UBAP1L: variants seen among roughly 807,000 people sequenced by gnomAD.
UBAP1L encodes ubiquitin associated protein 1 like, also known as ubiquitin-associated protein 1-like.
In UBAP1L, 32 loss-of-function variants were observed where a neutral mutation model predicts 32.1. The observed-to-expected ratio is 1.00, with a 90% CI of 0.75 to 1.34. The LOEUF is 1.34. UBAP1L is among the 40% of genes most tolerant of loss of function. The pLI is 0.00. For missense variants in UBAP1L, 516 were observed against 540.5 expected, an observed-to-expected ratio of 0.95 and a Z score of 0.45; for synonymous variants, 243 against 250.2, an observed-to-expected ratio of 0.97 and a Z score of 0.27.
At chr15:65,108,788 A>T (rs1255856338) in intron 1 of UBAP1L, among the ~76,000 whole-genome samples, 2 of 151,518 alleles carry the variant, frequency 1.3e-5, no homozygotes, top group African/African-American at 4.9e-5. Context: ...AATTAAATTT[A>T]AAAAAACACA....
chr15:65,102,521 C>G lies in UBAP1L; in HGVS notation c.284G>C (p.Arg95Thr), dbSNP rs1173556633. The change falls in exon 3 of 6, where the codon AGA becomes ACA. Residue 95 changes from arginine (R) to threonine (T), a missense_variant. Transcript: ENST00000559089. This position sits in a 1 kb window ranked among gnomAD's most constrained non-coding sequence, Gnocchi z 5.0. ...CTCCTGGTGTCCGGCCTCCGGGTCTCTGATTGTGGTGGGCGCAGGCGCCAG... is the reference window on the plus strand; with the variant it reads ...CTCCTGGTGTCCGGCCTCCGGGTCTGTGATTGTGGTGGGCGCAGGCGCCAG... ...HGLAPAPTTI[R>T]DPEAGHQERP... is the part of the protein sequence containing the mutation. 32 of 1,489,980 alleles carry G rather than the reference C, an allele frequency of 2.1e-5. No homozygotes were observed. Among genetic ancestry groups the G allele is most frequent in the Non-Finnish European group, 2.9e-5 (32 of 1,119,008 alleles). The allele number at this position is 1,489,980 out of a possible 1,614,324, so 92.3% of individuals were successfully genotyped here.
At chr15:65,099,468 G>A in intron 4 of UBAP1L, 37 bp downstream of exon 4, 2 of 1,540,942 alleles carry the variant, frequency 1.3e-6, no homozygotes, top group Non-Finnish European at 1.8e-6. Flanking sequence ...CCTGGCTCCA[G>A]CATCACAGCT....
chr15:65,111,544 C>CA (rs1180069018), intron 1 of UBAP1L, among the ~76,000 whole-genome samples: 1 of 152,128 alleles, frequency 6.6e-6, no homozygotes, highest in Non-Finnish European at 1.5e-5. Flanking sequence ...TGCAGTAGTG[C>CA]AATCTTCTAG....
At chr15:65,100,829 G>T (rs2087232302) in intron 3 of UBAP1L, 1 of 152,252 alleles carries the variant, frequency 6.6e-6, no homozygotes, top group Non-Finnish European at 1.5e-5. Flanking sequence ...TAGGAGCTGA[G>T]TCTACTCTTG....
chr15:65,095,490 T>C (rs1249226505), intron 4 of UBAP1L: 1 of 152,226 alleles, frequency 6.6e-6, no homozygotes, highest in Non-Finnish European at 1.5e-5. Flanking sequence ...TCATCCAGCA[T>C]GGTGGCAGAA....
Position 65,102,638 on chromosome 15 carries a change from G to T in UBAP1L, c.167C>A (p.Ala56Asp). 6.5e-7 allele frequency: 1 copy of T among 1,549,090 alleles called. No homozygotes were observed. The highest frequency in any genetic ancestry group is 8.7e-7 in the Non-Finnish European group (1 of 1,146,808). Residue 56 changes from alanine to aspartate, a missense_variant, in exon 3 of 6, where the codon GCC becomes GAC. Coordinates refer to ENST00000559089, the MANE Select transcript of UBAP1L (RefSeq NM_001163692.2). This position sits in a 1 kb window ranked among gnomAD's most constrained non-coding sequence, Gnocchi z 5.0. ...ERTALFWVEA[A>D]GQGPSPYQCG... ...CTGGTACGGGCTGGGTCCCTGGCCG[G>T]CGGCCTCCACCCAGAAGAGTGCCGT... is the stretch of plus-strand genomic sequence containing the variant.
At chr15:65,103,551 G>A (rs2087267856) in intron 2 of UBAP1L, among the ~76,000 whole-genome samples, 1 of 152,306 alleles carries the variant, frequency 6.6e-6, no homozygotes, top group Admixed American at 6.5e-5. Flanking sequence ...AGAGGCTAGG[G>A]GTTGGGGAGT....
At chr15:65,099,045 A>G (rs2087208793) in intron 4 of UBAP1L, 1 of 153,372 alleles carries the variant, frequency 6.5e-6, no homozygotes. Flanking sequence ...CGTGGCTCAG[A>G]GTGCTGTCCT....
At position 65,093,050 on chromosome 15, in the gene UBAP1L, T is replaced by G. The variant is rs1057361764; in HGVS notation, c.*47A>C. On this transcript the variant is annotated 3_prime_UTR_variant, in exon 6 of 6. Transcript: ENST00000559089. ...AATACAGTTAGGATGGGTTGCCAGG[T>G]CTGGCATTGGGCCTAGATGCCCAGG... The G allele has an allele frequency of 6.6e-7, 1 of 1,525,736 alleles. No homozygotes were observed. The allele number at this position is 1,525,736 out of a possible 1,614,324, so 94.5% of individuals were successfully genotyped here. A position where few individuals can be genotyped will look rare whatever the true frequency, so the allele number is the denominator to read the frequency against.
rs185883477 is a variant in UBAP1L at position 65,110,443 on chromosome 15, C to T, written c.-173-4055G>A. 3.2e-3 allele frequency among the ~76,000 whole-genome samples: 487 copies of T among 150,646 alleles called. 4 individuals carry two copies. Among genetic ancestry groups the T allele is most frequent in the Non-Finnish European group, 5.7e-3 (383 of 67,734 alleles). On this transcript the variant is annotated intron_variant, in intron 1 of 5. Coordinates refer to ENST00000559089, the MANE Select transcript of UBAP1L (RefSeq NM_001163692.2). ...CTCTAATCCCAGCACTCTGGGAGGC[C>T]GAGGTGGGTGGATCACCTGAGGTCA...
Position 65,093,011 on chromosome 15 carries a change from T to C in UBAP1L, c.*86A>G, listed in dbSNP as rs2087135099. 3 of 1,461,994 alleles carry C rather than the reference T, an allele frequency of 2.1e-6. No individual in the cohort carries two copies. Among genetic ancestry groups the C allele is most frequent in the Admixed American group, 5.5e-5 (2 of 36,120 alleles). 90.6% of individuals were successfully genotyped at this position (1,461,994 alleles called of 1,614,324 possible). On this transcript the variant is annotated 3_prime_UTR_variant, in exon 6 of 6. Coordinates refer to ENST00000559089, the MANE Select transcript of UBAP1L (RefSeq NM_001163692.2). ...TAAGTATGCATCACTTTGTTACTCT[T>C]ACTTGGTTTTAATAATACAGTTAGG...
In UBAP1L at chr15:65,102,315, C is replaced by A; in HGVS notation, c.490G>T (p.Glu164Ter). ...CGGGGCCGGGAGACCAGCTTCCCCT[C>A]GGAGAGCCGCCGCCGCGCCCCTGCC... ...ELAGARRRLSEGKLVSRPRAL... is the reference protein window; with the variant it reads ...ELAGARRRLS The change falls in exon 3 of 6, where the codon GAG becomes TAG. Residue 164 changes from glutamate (E) to a stop codon, truncating the protein, a stop_gained. Coordinates refer to ENST00000559089, the MANE Select transcript of UBAP1L (RefSeq NM_001163692.2). LOFTEE classifies it high-confidence loss of function. The surrounding 1 kb of genome is among the most constrained non-coding windows in gnomAD (Gnocchi z 5.0). 2.1e-6 allele frequency: 3 copies of A among 1,438,230 alleles called. 1 individual carries two copies. The South Asian group carries it at 4.1e-5, about 19-fold the overall frequency. The allele number at this position is 1,438,230 out of a possible 1,614,324, so 89.1% of individuals were successfully genotyped here.
chr15:65,106,957 T>C (rs891601322), intron 1 of UBAP1L, among the ~76,000 whole-genome samples: 10 of 152,134 alleles, frequency 6.6e-5, no homozygotes, highest in African/African-American at 2.2e-4. Context: ...TAGCATAACC[T>C]TGATACCAAA....
Position 65,094,157 on chromosome 15 carries a change from A to C in UBAP1L, c.1011+318T>G, listed in dbSNP as rs2087148524. 6.6e-6 allele frequency among the ~76,000 whole-genome samples: 1 copy of C among 152,164 alleles called. No individual in the cohort carries two copies. The highest frequency in any genetic ancestry group is 2.1e-4 in the South Asian group (1 of 4,836). ...TTGTGCTGCCCATGGCTCCTATCTG[A>C]GTGTCCGACAAAGAGTGGCCATTCA... On this transcript the variant is annotated intron_variant, in intron 5 of 5. Transcript: ENST00000559089. The surrounding 1 kb of genome is among the most constrained non-coding windows in gnomAD (Gnocchi z 4.2).
chr15:65,093,105 C>A lies in UBAP1L; in HGVS notation c.1138G>T (p.Ala380Ser). The A allele has an allele frequency of 6.5e-7, 1 of 1,548,506 alleles. No individual in the cohort carries two copies. Among genetic ancestry groups the A allele is most frequent in the Non-Finnish European group, 8.7e-7 (1 of 1,146,338 alleles). ...GTGGAGTGCCTCCGTGGTCACTGGG[C>A]ACAGGCCACCAGCTCCTCCAGGGCT... ...EQALEELVAC[A>S]Q Residue 380 changes from alanine to serine, a missense_variant, in exon 6 of 6, where the codon GCC becomes TCC. Ala to Ser is a moderately conservative substitution (Grantham distance 99). Coordinates refer to ENST00000559089, the MANE Select transcript of UBAP1L (RefSeq NM_001163692.2).
At chr15:65,109,625 A>G (rs750415695) in intron 1 of UBAP1L, among the ~76,000 whole-genome samples, 2 of 152,184 alleles carry the variant, frequency 1.3e-5, no homozygotes, top group Non-Finnish European at 2.9e-5. Flanking sequence ...CAGTATATAC[A>G]AAGAACTTCT....
chr15:65,110,871 T>C (rs987887027), intron 1 of UBAP1L, among the ~76,000 whole-genome samples: 3 of 152,106 alleles, frequency 2.0e-5, no homozygotes, highest in African/African-American at 7.2e-5. Context: ...ACACAATCTG[T>C]CATCCCTGCC....
At chr15:65,101,795 TAA>T (rs2087242094) in intron 3 of UBAP1L, among the ~76,000 whole-genome samples, 1 of 152,124 alleles carries the variant, frequency 6.6e-6, no homozygotes, top group African/African-American at 2.4e-5. Flanking sequence ...GTCCCTGCCC[TAA>T]AAGAGCTCAA....
Position 65,093,213 on chromosome 15 carries a change from G to A in UBAP1L, c.1030C>T (p.Leu344Phe), listed in dbSNP as rs1259363563. The A allele has an allele frequency of 3.2e-6, 5 of 1,547,334 alleles. No homozygotes were observed. Among genetic ancestry groups the A allele is most frequent in the Non-Finnish European group, 1.7e-6 (2 of 1,145,770 alleles). ...SESQAGEFLR[L>F]WEQFSDMGFQ... Reference sequence around the variant, plus strand: ...CCCATGTCACTGAACTGCTCCCAGAGGCGCAGGAACTCCCCTGCCTGAGGA... The same window carrying A: ...CCCATGTCACTGAACTGCTCCCAGAAGCGCAGGAACTCCCCTGCCTGAGGA... The change falls in exon 6 of 6, where the codon CTC becomes TTC. Residue 344 changes from leucine to phenylalanine, a missense_variant. Transcript: ENST00000559089.
Sources: allele counts gnomAD v4.1 joint callset (sites outside exome capture counted in the v4.1 genomes callset), GRCh38; gene constraint gnomAD v4.1.1; non-coding constraint Gnocchi (gnomAD v3.1); transcripts MANE v1.5; gene names NCBI Gene and HGNC (gene_info 2026-07-23, HGNC 2026-07-21).